Variants in HS3ST4 observed in about 807,000 individuals in gnomAD.
The protein encoded by HS3ST4 is heparan sulfate-glucosamine 3-sulfotransferase 4.
HS3ST4 carries 17 observed loss-of-function variants against 29.2 expected under a neutral mutation model. The observed-to-expected ratio is 0.58, with a 90% CI of 0.40 to 0.87. HS3ST4 has a LOEUF of 0.87. HS3ST4 is among the 40% of genes least tolerant of loss of function. The pLI, the probability that HS3ST4 is intolerant of heterozygous loss-of-function variation, is 0.00. For missense variants in HS3ST4, 627 were observed against 634.5 expected, an observed-to-expected ratio of 0.99 and a Z score of 0.13; for synonymous variants, 314 against 285.7, an observed-to-expected ratio of 1.10 and a Z score of -1.00.
At chr16:25,779,246 G>C (rs1966850533) in intron 1 of HS3ST4, among the ~76,000 whole-genome samples, 1 of 152,184 alleles carries the variant, frequency 6.6e-6, no homozygotes. Context: ...GGTGTTACAG[G>C]GAGTAAGATC....
chr16:25,715,283 C>T lies in HS3ST4; in HGVS notation c.734+22132C>T, dbSNP rs1242894795. Reference sequence around the variant, plus strand: ...CTTGCAGTGAGCCGAGATCGCGCCACTGCAGTCCGCAGTCCGGCCTGGGCG... The same window carrying T: ...CTTGCAGTGAGCCGAGATCGCGCCATTGCAGTCCGCAGTCCGGCCTGGGCG... On this transcript the variant is annotated intron_variant, in intron 1 of 1. Transcript: ENST00000331351. Among the ~76,000 whole-genome samples, 21 of 140,800 alleles carry T rather than the reference C, an allele frequency of 1.5e-4. No homozygotes were observed. The Admixed American group carries it at 1.6e-3, about 11-fold the overall frequency. 92.4% of individuals were successfully genotyped at this position (140,800 alleles called of 152,430 possible).
chr16:25,822,018 T>C (rs1019314843), intron 1 of HS3ST4, among the ~76,000 whole-genome samples: 2 of 152,238 alleles, frequency 1.3e-5, no homozygotes, highest in Non-Finnish European at 2.9e-5. Flanking sequence ...TCTACTTGTC[T>C]TGTTTTTCAT....
At chr16:25,743,821 T>C (rs1263017871) in intron 1 of HS3ST4, among the ~76,000 whole-genome samples, 1 of 152,172 alleles carries the variant, frequency 6.6e-6, no homozygotes, top group Non-Finnish European at 1.5e-5. Context: ...ATGGATCTTA[T>C]GCTGATTTCC....
chr16:25,822,884 T>C (rs1967176040), intron 1 of HS3ST4, among the ~76,000 whole-genome samples: 1 of 152,142 alleles, frequency 6.6e-6, no homozygotes, highest in African/African-American at 2.4e-5. Flanking sequence ...ACTACAGGCG[T>C]GCACCACCAC....
intron 1 of HS3ST4, among the ~76,000 whole-genome samples, chr16:25,796,890 G>A (rs906620912): frequency 3.9e-5 from 6 of 152,254 alleles, no homozygotes; most frequent in African/African-American, 1.4e-4. Flanking sequence ...CGGGCGTTGC[G>A]GTCGCATTGG....
At chr16:25,776,686 G>A (rs540853148) in intron 1 of HS3ST4, among the ~76,000 whole-genome samples, 3 of 152,284 alleles carry the variant, frequency 2.0e-5, no homozygotes, top group South Asian at 4.2e-4. Context: ...ATCAGATACC[G>A]TGGTCAGTGT....
At chr16:26,112,252 G>GTA (rs1899142039) in intron 1 of HS3ST4, among the ~76,000 whole-genome samples, 4 of 23,316 alleles carry the variant, frequency 1.7e-4, no homozygotes, top group Admixed American at 1.1e-3. Context: ...GTGTGTGTAT[G>GTA]TGTGTGTGTG....
intron 1 of HS3ST4, among the ~76,000 whole-genome samples, chr16:25,930,731 T>C (rs8061608): frequency 0.02 from 3,106 of 152,180 alleles, 142 homozygotes; most frequent in African/African-American, 0.072. Flanking sequence ...TTGACAAAGA[T>C]ATATTAGCCA....
chr16:25,692,872 C>T lies in HS3ST4; in HGVS notation c.455C>T (p.Ala152Val). ...TPLAPSEMIT[A>V]QSALPEREAQ... is the part of the protein sequence containing the mutation. ...CTGGCCCCCAGCGAGATGATCACGG[C>T]TCAGAGCGCGCTGCCGGAGAGGGAA... Residue 152 changes from alanine to valine, a missense_variant, in exon 1 of 2, where the codon GCT becomes GTT. Around this residue, in one of 2 missense-constraint regions of HS3ST4, gnomAD observed 402 missense variants for 340.8 expected, o/e 1.18. Coordinates refer to ENST00000331351, the MANE Select transcript of HS3ST4 (RefSeq NM_006040.3). 2 of 1,536,104 alleles carry T rather than the reference C, an allele frequency of 1.3e-6. No homozygotes were observed. Among genetic ancestry groups the T allele is most frequent in the South Asian group, 2.4e-5 (2 of 82,544 alleles).
chr16:26,018,847 A>G (rs909557287), intron 1 of HS3ST4, among the ~76,000 whole-genome samples: 1 of 151,642 alleles, frequency 6.6e-6, no homozygotes, highest in Admixed American at 6.6e-5. Flanking sequence ...AAAAAAAAAA[A>G]TCACTACCAA....
chr16:25,807,248 A>G (rs1440992909), intron 1 of HS3ST4, among the ~76,000 whole-genome samples: 1 of 152,232 alleles, frequency 6.6e-6, no homozygotes, highest in East Asian at 1.9e-4. Flanking sequence ...TGCTGGGATT[A>G]CAGGCGTGAG....
At chr16:25,985,348 A>G (rs1463651715) in intron 1 of HS3ST4, among the ~76,000 whole-genome samples, 1 of 152,150 alleles carries the variant, frequency 6.6e-6, no homozygotes, top group Non-Finnish European at 1.5e-5. Flanking sequence ...ATGAGAGGCA[A>G]TTTGGGCATT....
chr16:26,126,818 T>G (rs1281605877), intron 1 of HS3ST4, among the ~76,000 whole-genome samples: 1 of 152,178 alleles, frequency 6.6e-6, no homozygotes, highest in Non-Finnish European at 1.5e-5. Context: ...CATCCCAGAA[T>G]GTTGACAGTG....
At chr16:26,045,598 C>T (rs760072297) in intron 1 of HS3ST4, among the ~76,000 whole-genome samples, 1 of 152,160 alleles carries the variant, frequency 6.6e-6, no homozygotes, top group Non-Finnish European at 1.5e-5. Context: ...CACACTAGAT[C>T]TGAGCTCTGC....
intron 1 of HS3ST4, among the ~76,000 whole-genome samples, chr16:26,073,255 A>G (rs750772097): frequency 2.0e-4 from 30 of 152,226 alleles, no homozygotes; most frequent in Non-Finnish European, 4.1e-4. Context: ...ATTGGATATT[A>G]GTGTCAATGA....
intron 1 of HS3ST4, among the ~76,000 whole-genome samples, chr16:25,808,561 A>C (rs528285955): frequency 6.6e-6 from 1 of 151,850 alleles, no homozygotes; most frequent in South Asian, 2.1e-4. Flanking sequence ...CTCTCCTTTT[A>C]TTTTTCTTTT....
intron 1 of HS3ST4, among the ~76,000 whole-genome samples, chr16:26,056,036 GAGAC>G (rs1338898347): frequency 3.4e-5 from 2 of 59,372 alleles, no homozygotes; most frequent in Admixed American, 2.5e-4. Context: ...GAGAAAGAGA[GAGAC>G]AGAGAGAGAG....
At chr16:25,917,134 A>G (rs1196459890) in intron 1 of HS3ST4, among the ~76,000 whole-genome samples, 2 of 152,190 alleles carry the variant, frequency 1.3e-5, no homozygotes, top group Admixed American at 1.3e-4. Flanking sequence ...GTTTTTGTAG[A>G]TGGGTTTGCC....
At chr16:25,892,849 G>C (rs1306168923) in intron 1 of HS3ST4, among the ~76,000 whole-genome samples, 1 of 152,156 alleles carries the variant, frequency 6.6e-6, no homozygotes, top group East Asian at 1.9e-4. Flanking sequence ...AGAAACCAGG[G>C]ATATAGCAGT....
Sources: allele counts gnomAD v4.1 joint callset (sites outside exome capture counted in the v4.1 genomes callset), GRCh38; gene constraint gnomAD v4.1.1; regional missense constraint gnomAD v4.1.1; transcripts MANE v1.5; gene names NCBI Gene and HGNC (gene_info 2026-07-23, HGNC 2026-07-21).